Variants in ANKRD45 observed in about 807,000 individuals in gnomAD.
ANKRD45 encodes ankyrin repeat domain 45.
Under a neutral mutation model 28.1 loss-of-function variants are expected in ANKRD45, and 21 were observed. The observed-to-expected ratio is 0.75, with a 90% CI of 0.53 to 1.08. The LOEUF is 1.08. ANKRD45 is among the 50% of genes least tolerant of loss of function. The pLI is 0.00. For missense variants in ANKRD45, 261 were observed against 308.7 expected (o/e 0.85, Z 1.16); for synonymous variants, 86 against 103.9 (o/e 0.83, Z 1.05).
chr1:173,679,821 C>T, the ANKRD45 span, among the ~76,000 whole-genome samples: 57 of 152,238 alleles, frequency 3.7e-4, no homozygotes, highest in East Asian at 0.011. Context: ...ATATCCAGAA[C>T]CTACAAAGAA....
At chr1:173,615,512 T>G (rs1398087965) in intron 5 of ANKRD45, among the ~76,000 whole-genome samples, 1 of 152,002 alleles carries the variant, frequency 6.6e-6, no homozygotes, top group African/African-American at 2.4e-5. Context: ...CATTCAGACA[T>G]GAATTATAAT....
At chr1:173,692,115 C>T in the ANKRD45 span, among the ~76,000 whole-genome samples, 1 of 151,300 alleles carries the variant, frequency 6.6e-6, no homozygotes, top group South Asian at 2.1e-4. Context: ...AGTAGGTAGT[C>T]GAAAAAAGTT....
intron 3 of ANKRD45, 146 bp downstream of exon 3, chr1:173,646,700 G>A (rs750561765): frequency 1.3e-6 from 1 of 745,732 alleles, no homozygotes; most frequent in Non-Finnish European, 2.2e-6. Flanking sequence ...AAAGAAAGAG[G>A]GGGAAATTTC....
intron 3 of ANKRD45, among the ~76,000 whole-genome samples, chr1:173,638,631 A>G (rs6670574): frequency 0.18 from 27,511 of 152,194 alleles, 8,257 homozygotes; most frequent in African/African-American, 0.62. Flanking sequence ...GGCTACAGCA[A>G]TATTAGTTGA....
the ANKRD45 span, among the ~76,000 whole-genome samples, chr1:173,677,054 T>C: frequency 8.5e-4 from 130 of 152,076 alleles, 2 homozygotes; most frequent in South Asian, 0.012. Context: ...GAAAAAGACA[T>C]AATTTATAAT....
At chr1:173,685,572 C>G in the ANKRD45 span, among the ~76,000 whole-genome samples, 580 of 152,274 alleles carry the variant, frequency 3.8e-3, 4 homozygotes, top group African/African-American at 0.013. Context: ...TCCATTCCAA[C>G]CAGGCATTTG....
At chr1:173,705,381 C>G in the ANKRD45 span, among the ~76,000 whole-genome samples, 61,516 of 150,816 alleles carry the variant, frequency 0.41, 15,534 homozygotes, top group African/African-American at 0.72. Context: ...TAAAAATAGA[C>G]GGCCGAGCAT....
chr1:173,683,815 A>C, the ANKRD45 span, among the ~76,000 whole-genome samples: 18 of 152,202 alleles, frequency 1.2e-4, no homozygotes, highest in Non-Finnish European at 2.1e-4. Flanking sequence ...ACAGCACTCA[A>C]ATATAAAATT....
At chr1:173,702,622 G>A in the ANKRD45 span, among the ~76,000 whole-genome samples, 6 of 152,052 alleles carry the variant, frequency 3.9e-5, no homozygotes, top group Middle Eastern at 3.4e-3. Context: ...GGAAGGTAGG[G>A]GGTAAGTGCC....
intron 3 of ANKRD45, among the ~76,000 whole-genome samples, chr1:173,628,654 C>G (rs1415665679): frequency 6.6e-6 from 1 of 152,188 alleles, no homozygotes; most frequent in South Asian, 2.1e-4. Context: ...GTTCTTGACT[C>G]CAGGACTTGA....
the ANKRD45 span, chr1:173,714,858 G>A: frequency 6.6e-6 from 1 of 152,234 alleles, no homozygotes; most frequent in Admixed American, 6.5e-5. Flanking sequence ...GACTACTTCC[G>A]GAGCCGCACC....
At chr1:173,699,423 A>G in the ANKRD45 span, among the ~76,000 whole-genome samples, 19 of 152,258 alleles carry the variant, frequency 1.2e-4, no homozygotes, top group Non-Finnish European at 2.5e-4. Context: ...AAAATCCTCA[A>G]TAAAATACTG....
At chr1:173,657,300 C>G (rs907514877) in intron 2 of ANKRD45, 2 of 321,918 alleles carry the variant, frequency 6.2e-6, no homozygotes, top group Admixed American at 6.5e-5. Flanking sequence ...AACCCCCTCT[C>G]CACTAAAAAA....
the ANKRD45 span, among the ~76,000 whole-genome samples, chr1:173,700,734 G>A: frequency 6.6e-6 from 1 of 152,128 alleles, no homozygotes; most frequent in Non-Finnish European, 1.5e-5. Context: ...AGAAAACCTA[G>A]GCAATACCAT....
the ANKRD45 span, among the ~76,000 whole-genome samples, chr1:173,689,581 G>A: frequency 6.6e-6 from 1 of 152,102 alleles, no homozygotes; most frequent in African/African-American, 2.4e-5. Context: ...CCTTGCCCAA[G>A]GGGATCATCC....
At chr1:173,653,363 G>A (rs534497793) in intron 2 of ANKRD45, among the ~76,000 whole-genome samples, 1 of 152,292 alleles carries the variant, frequency 6.6e-6, no homozygotes, top group South Asian at 2.1e-4. Context: ...TTATCCAGTA[G>A]TCATTCAGGA....
intron 2 of ANKRD45, among the ~76,000 whole-genome samples, chr1:173,651,090 A>G (rs1045884749): frequency 6.6e-6 from 1 of 152,118 alleles, no homozygotes; most frequent in Non-Finnish European, 1.5e-5. Context: ...GAAGCTCTTT[A>G]GTTTAATTAG....
the ANKRD45 span, among the ~76,000 whole-genome samples, chr1:173,710,738 C>T: frequency 6.6e-6 from 1 of 152,208 alleles, no homozygotes; most frequent in Non-Finnish European, 1.5e-5. Context: ...GTGTTTTTAT[C>T]TACTGGGAAA....
intron 3 of ANKRD45, chr1:173,635,295 A>G: frequency 2.2e-6 from 1 of 454,058 alleles, no homozygotes; most frequent in Non-Finnish European, 3.9e-6. Flanking sequence ...AGTCACTATG[A>G]CTGATGATGT....
Sources: gnomAD v4.1 joint callset for allele counts (sites outside exome capture counted in the v4.1 genomes callset) on GRCh38, gnomAD v4.1.1 for gene constraint, MANE v1.5 for transcripts, NCBI Gene and HGNC (gene_info 2026-07-23, HGNC 2026-07-21) for gene names.